Variants in RTN3 observed in about 807,000 individuals in gnomAD.
RTN3 encodes the protein reticulon 3, also known as reticulon-3.
A neutral mutation model predicts 77.8 loss-of-function variants in RTN3; 49 were observed. That is an observed-to-expected ratio of 0.63 (90% CI 0.50 to 0.80). The LOEUF is 0.80. Among genes scored for constraint, RTN3 ranks in the 30% least tolerant of loss-of-function variants. The pLI, the probability that RTN3 is intolerant of heterozygous loss-of-function variation, is 0.00. For synonymous variants in RTN3, 464 were observed against 446.9 expected, an observed-to-expected ratio of 1.04 and a Z score of -0.48; for missense variants, 1,236 against 1,211.9, an observed-to-expected ratio of 1.02 and a Z score of -0.29.
At chr11:63,729,446 TTTTTTTTTTTTTTG>T (rs1361728473) in intron 3 of RTN3, among the ~76,000 whole-genome samples, 6 of 124,276 alleles carry the variant, frequency 4.8e-5, no homozygotes, top group African/African-American at 1.3e-4. Flanking sequence ...CTTTTTTTTT[TTTTTTTTTTTTTTG>T]TTTGTTTGAG....
At chr11:63,700,768 ATCT>A (rs999250861) in intron 1 of RTN3, among the ~76,000 whole-genome samples, 3 of 151,644 alleles carry the variant, frequency 2.0e-5, no homozygotes, top group African/African-American at 7.3e-5. Flanking sequence ...TTTTTATTTG[ATCT>A]TCTTCATTGG....
At chr11:63,682,623 T>A (rs1314645345) in intron 1 of RTN3, among the ~76,000 whole-genome samples, 1 of 139,588 alleles carries the variant, frequency 7.2e-6, no homozygotes, top group East Asian at 2.3e-4. Flanking sequence ...GATCGAAGTA[T>A]AACAAAGGGG....
At chr11:63,726,258 T>A (rs576100891) in intron 3 of RTN3, among the ~76,000 whole-genome samples, 1 of 151,890 alleles carries the variant, frequency 6.6e-6, no homozygotes, top group East Asian at 1.9e-4. Context: ...TGAAAGAGAG[T>A]TGACACATGT....
intron 1 of RTN3, among the ~76,000 whole-genome samples, chr11:63,686,687 G>C (rs908988957): frequency 6.6e-6 from 1 of 151,976 alleles, no homozygotes; most frequent in Non-Finnish European, 1.5e-5. Flanking sequence ...GCAAGAATTA[G>C]CTGAGCATGG....
At chr11:63,713,971 G>T (rs1463791188) in intron 2 of RTN3, 5 of 517,276 alleles carry the variant, frequency 9.7e-6, no homozygotes, top group East Asian at 5.5e-5. Flanking sequence ...CTTTTGCCAG[G>T]TACTGACTTG....
At position 63,702,145 on chromosome 11, in the gene RTN3, A is replaced by G. The variant is rs565192794; in HGVS notation, c.143-2706A>G. 3.9e-5 allele frequency among the ~76,000 whole-genome samples: 6 copies of G among 152,276 alleles called. No individual in the cohort carries two copies. In the South Asian group the frequency reaches 1.2e-3, roughly 32 times the overall value. On this transcript the variant is annotated intron_variant, in intron 1 of 8. Transcript: ENST00000377819. ...GTGAAAATATTTTTATAATTGCAAGATAAAAGGGAGTTAATATGTAAAGTT... is the reference window on the plus strand; with the variant it reads ...GTGAAAATATTTTTATAATTGCAAGGTAAAAGGGAGTTAATATGTAAAGTT...
intron 1 of RTN3, 117 bp from the exon 2 acceptor site, chr11:63,704,734 C>G (rs935891029): frequency 1.5e-6 from 1 of 658,972 alleles, no homozygotes; most frequent in African/African-American, 1.8e-5. Flanking sequence ...GAGTTTTCCT[C>G]CTTGTTAAAC....
chr11:63,723,792 A>C (rs1590842705), intron 3 of RTN3, among the ~76,000 whole-genome samples: 2 of 152,282 alleles, frequency 1.3e-5, no homozygotes, highest in Admixed American at 1.3e-4. Flanking sequence ...ACAGTGCTTT[A>C]ATTATATTCT....
intron 1 of RTN3, among the ~76,000 whole-genome samples, chr11:63,689,553 ATTTTACG>A (rs1941547151): frequency 2.0e-5 from 3 of 151,476 alleles, no homozygotes; most frequent in Admixed American, 2.0e-4. Context: ...TTGCATTTCC[ATTTTACG>A]TATGGGAGAA....
At chr11:63,717,545 G>A (rs1160987555) in intron 2 of RTN3, among the ~76,000 whole-genome samples, 1 of 151,288 alleles carries the variant, frequency 6.6e-6, no homozygotes, top group African/African-American at 2.4e-5. Flanking sequence ...CTGCCACCAC[G>A]CCCGGCTAAT....
intron 7 of RTN3, among the ~76,000 whole-genome samples, chr11:63,754,420 G>T (rs1051081256): frequency 6.6e-6 from 1 of 152,150 alleles, no homozygotes; most frequent in Non-Finnish European, 1.5e-5. Context: ...CCAGTGTGGG[G>T]CCAGGCACGG....
At chr11:63,706,057 A>G (rs898254289) in intron 2 of RTN3, among the ~76,000 whole-genome samples, 11 of 152,230 alleles carry the variant, frequency 7.2e-5, no homozygotes, top group African/African-American at 2.4e-4. Context: ...TTACAGGTGG[A>G]GTTCTCTAGC....
At chr11:63,706,398 C>T (rs990665749) in intron 2 of RTN3, among the ~76,000 whole-genome samples, 4 of 152,212 alleles carry the variant, frequency 2.6e-5, no homozygotes, top group East Asian at 3.9e-4. Context: ...GCTATGTTGC[C>T]CAGGCTGGTC....
chr11:63,753,679 A>G lies in RTN3; in HGVS notation c.2965A>G (p.Ser989Gly), dbSNP rs1248358754. Residue 989 changes from serine to glycine, a missense_variant, in exon 7 of 9, where the codon AGT becomes GGT. Transcript: ENST00000377819. ...LLILAELLIFSVPIVYEKYKT... is the reference protein window; with the variant it reads ...LLILAELLIFGVPIVYEKYKT... ...TCTTACAGCTGAACTGCTCATTTTCAGTGTCCCGATTGTCTATGAGAAGTA... is the reference window on the plus strand; with the variant it reads ...TCTTACAGCTGAACTGCTCATTTTCGGTGTCCCGATTGTCTATGAGAAGTA... 6.2e-7 allele frequency: 1 copy of G among 1,613,746 alleles called. No individual in the cohort carries two copies. Among genetic ancestry groups the G allele is most frequent in the Non-Finnish European group, 8.5e-7 (1 of 1,179,818 alleles).
chr11:63,694,181 T>G (rs1224979411), intron 1 of RTN3, among the ~76,000 whole-genome samples: 3 of 150,604 alleles, frequency 2.0e-5, no homozygotes, highest in Non-Finnish European at 4.4e-5. Flanking sequence ...TAATTATGGT[T>G]TTTTTTTTTT....
At position 63,740,156 on chromosome 11, in the gene RTN3, A is replaced by G. The variant is rs573646519; in HGVS notation, c.2531-9835A>G. Among the ~76,000 whole-genome samples the G allele has an allele frequency of 2.6e-5, 4 of 152,274 alleles. No individual in the cohort carries two copies. The East Asian group carries it at 7.7e-4, about 29-fold the overall frequency. On this transcript the variant is annotated intron_variant, in intron 3 of 8. Coordinates refer to ENST00000377819, the MANE Select transcript of RTN3 (RefSeq NM_001265589.2). ...TCCTGGTCCTCTGTCTCCGTATATC[A>G]TTTACACACCAATCTATTTAATCAT... is the stretch of plus-strand genomic sequence containing the variant.
At chr11:63,682,085 T>C (rs1941087955) in intron 1 of RTN3, among the ~76,000 whole-genome samples, 1 of 152,166 alleles carries the variant, frequency 6.6e-6, no homozygotes, top group African/African-American at 2.4e-5. Flanking sequence ...GGAGAGTTGC[T>C]CGATGCATAT....
chr11:63,702,527 G>T (rs574310136), intron 1 of RTN3, among the ~76,000 whole-genome samples: 2 of 151,564 alleles, frequency 1.3e-5, no homozygotes, highest in South Asian at 4.2e-4. Context: ...TGTTGGCCAG[G>T]CTGGTCTTGA....
Position 63,701,563 on chromosome 11 carries a change from C to T in RTN3, c.143-3288C>T, listed in dbSNP as rs138049237. ...GGAGGCTCCTCAGTTTCTGGGGAGG[C>T]TTCAGGAAGCTTCCAATCATGCAGA... On this transcript the variant is annotated intron_variant, in intron 1 of 8. Coordinates refer to ENST00000377819, the MANE Select transcript of RTN3 (RefSeq NM_001265589.2). Among the ~76,000 whole-genome samples the T allele has an allele frequency of 3.5e-3, 530 of 152,138 alleles. 2 individuals carry two copies. Among genetic ancestry groups the T allele is most frequent in the African/African-American group, 0.012 (511 of 41,510 alleles).
Sources: allele counts gnomAD v4.1 joint callset (sites outside exome capture counted in the v4.1 genomes callset), GRCh38; gene constraint gnomAD v4.1.1; transcripts MANE v1.5; gene names NCBI Gene and HGNC (gene_info 2026-07-23, HGNC 2026-07-21).